The following EPHA6 variants were observed in gnomAD, a reference collection of about 807,000 sequenced individuals.
EPHA6 encodes the protein EPH receptor A6.
In EPHA6, 50 loss-of-function variants were observed where a neutral mutation model predicts 112.0. The ratio of observed to expected loss-of-function variants is 0.45; its 90% confidence interval spans 0.36 to 0.56. The LOEUF (loss-of-function observed/expected upper bound fraction) is 0.56, where lower values mean the gene tolerates loss of function less well. EPHA6 is among the 20% of genes least tolerant of loss of function. The pLI is 0.00. For missense variants in EPHA6, 1,280 were observed against 1,417.4 expected (o/e 0.90, Z 1.56); for synonymous variants, 529 against 490.7 (o/e 1.08, Z -1.03).
chr3:97,711,724 T>C (rs569774919), intron 14 of EPHA6, among the ~76,000 whole-genome samples: 6 of 152,262 alleles, frequency 3.9e-5, no homozygotes, highest in African/African-American at 1.4e-4. Flanking sequence ...ATGATACCTG[T>C]CCTCAAGGAA....
chr3:97,419,919 A>G (rs1022027032), intron 6 of EPHA6, among the ~76,000 whole-genome samples: 26 of 152,156 alleles, frequency 1.7e-4, no homozygotes, highest in Non-Finnish European at 1.8e-4. Flanking sequence ...AAATCAACAC[A>G]TGAAATAACC....
rs1332036326 is a variant in EPHA6 at position 97,753,749 on chromosome 3, G to A, written c.*5048G>A. Among the ~76,000 whole-genome samples the A allele has an allele frequency of 1.3e-5, 2 of 151,730 alleles. No individual in the cohort carries two copies. Among genetic ancestry groups the A allele is most frequent in the South Asian group, 4.2e-4 (2 of 4,818 alleles). ...TTTTAAATTCCATCCATTTAACAGG[G>A]GAAATAGATGATTACTCCTGACTAT... On this transcript the variant is annotated 3_prime_UTR_variant, in exon 18 of 18. Transcript: ENST00000389672.
At chr3:97,404,064 C>G (rs968118201) in intron 5 of EPHA6, among the ~76,000 whole-genome samples, 5 of 152,156 alleles carry the variant, frequency 3.3e-5, no homozygotes, top group Non-Finnish European at 5.9e-5. Context: ...TTCAACCACT[C>G]TCTTATTGAT....
At chr3:97,454,829 T>C (rs1284635526) in intron 7 of EPHA6, among the ~76,000 whole-genome samples, 8 of 151,934 alleles carry the variant, frequency 5.3e-5, no homozygotes, top group South Asian at 2.1e-4. Context: ...TTTGGAATGA[T>C]TATTAATGGT....
chr3:97,007,540 G>A lies in EPHA6; in HGVS notation c.1114+19547G>A, dbSNP rs191006997. Among the ~76,000 whole-genome samples, 431 of 151,892 alleles carry A rather than the reference G, an allele frequency of 2.8e-3. 5 individuals carry two copies. In the South Asian group the frequency reaches 0.044, roughly 15 times the overall value. The stretch of plus-strand genomic sequence containing the variant: ...GGTCTCCTGAATACAGAACACCGAT[G>A]GGTCTTGACTCCTTATCCAAATCAC... On this transcript the variant is annotated intron_variant, in intron 3 of 17. Transcript: ENST00000389672.
chr3:97,402,521 T>C (rs2087054177), intron 5 of EPHA6, among the ~76,000 whole-genome samples: 1 of 152,146 alleles, frequency 6.6e-6, no homozygotes, highest in South Asian at 2.1e-4. Flanking sequence ...TTCAGTCTAT[T>C]TGTGTCTTTA....
At chr3:97,539,066 C>CCCTT (rs747004303) in intron 11 of EPHA6, among the ~76,000 whole-genome samples, 4,309 of 124,014 alleles carry the variant, frequency 0.035, 109 homozygotes, top group East Asian at 0.087. Flanking sequence ...TCTCTTTCTT[C>CCCTT]CCTTCCTTCC....
intron 10 of EPHA6, among the ~76,000 whole-genome samples, chr3:97,502,167 CTTTT>C (rs773321621): frequency 5.6e-5 from 7 of 124,324 alleles, no homozygotes; most frequent in Non-Finnish European, 6.6e-5. Context: ...TAACTACCTG[CTTTT>C]TTTTTTTTTT....
chr3:97,095,330 A>G (rs1385425919), intron 3 of EPHA6, among the ~76,000 whole-genome samples: 2 of 151,960 alleles, frequency 1.3e-5, no homozygotes, highest in East Asian at 3.9e-4. Context: ...GAGGGATAGC[A>G]TTAGGAGATA....
At chr3:97,374,656 G>A (rs972803830) in intron 5 of EPHA6, among the ~76,000 whole-genome samples, 14 of 151,838 alleles carry the variant, frequency 9.2e-5, no homozygotes, top group Admixed American at 2.6e-4. Flanking sequence ...TTGTCCTGCC[G>A]CTCGCTCATC....
intron 6 of EPHA6, among the ~76,000 whole-genome samples, chr3:97,417,855 T>C (rs1002542417): frequency 6.6e-6 from 1 of 152,156 alleles, no homozygotes; most frequent in African/African-American, 2.4e-5. Flanking sequence ...AAGTAAATCC[T>C]ATCTAGAGAA....
At chr3:97,314,428 A>G (rs2081711297) in intron 5 of EPHA6, among the ~76,000 whole-genome samples, 1 of 151,618 alleles carries the variant, frequency 6.6e-6, no homozygotes, top group African/African-American at 2.4e-5. Flanking sequence ...GAATGTTAGA[A>G]TTCAGTAATT....
intron 3 of EPHA6, among the ~76,000 whole-genome samples, chr3:97,125,179 C>T (rs559279582): frequency 9.9e-5 from 15 of 151,716 alleles, no homozygotes; most frequent in Non-Finnish European, 1.5e-4. Context: ...GGAAATGCCA[C>T]CAGAAGGGAC....
intron 6 of EPHA6, among the ~76,000 whole-genome samples, chr3:97,434,021 C>G (rs2089673082): frequency 6.7e-6 from 1 of 148,274 alleles, no homozygotes; most frequent in African/African-American, 2.7e-5. Context: ...GATTCTTATA[C>G]TATGATTAGA....
intron 5 of EPHA6, among the ~76,000 whole-genome samples, chr3:97,260,883 A>G (rs1251126477): frequency 6.6e-6 from 1 of 152,224 alleles, no homozygotes; most frequent in Admixed American, 6.5e-5. Context: ...AACTGAAATC[A>G]TTGGCACAGG....
At chr3:97,027,708 C>G (rs976642460) in intron 3 of EPHA6, among the ~76,000 whole-genome samples, 1 of 152,154 alleles carries the variant, frequency 6.6e-6, no homozygotes, top group Non-Finnish European at 1.5e-5. Flanking sequence ...TTATAACAGT[C>G]TCAGTTCCTT....
chr3:96,891,748 G>T (rs960190694), intron 2 of EPHA6, among the ~76,000 whole-genome samples: 1 of 152,048 alleles, frequency 6.6e-6, no homozygotes, highest in Non-Finnish European at 1.5e-5. Context: ...CTGGTGATAT[G>T]CTGTTTTGAC....
At chr3:96,960,926 T>A (rs563233577) in intron 2 of EPHA6, among the ~76,000 whole-genome samples, 1 of 152,316 alleles carries the variant, frequency 6.6e-6, no homozygotes, top group African/African-American at 2.4e-5. Flanking sequence ...TCCACTAGTC[T>A]TGAGATCCAT....
At chr3:97,714,462 A>G (rs1366778876) in intron 14 of EPHA6, among the ~76,000 whole-genome samples, 1 of 152,244 alleles carries the variant, frequency 6.6e-6, no homozygotes, top group Non-Finnish European at 1.5e-5. Context: ...AAGTTTCCCT[A>G]AATTTGTAAA....
Sources: allele counts gnomAD v4.1 joint callset (sites outside exome capture counted in the v4.1 genomes callset), GRCh38; gene constraint gnomAD v4.1.1; transcripts MANE v1.5; gene names NCBI Gene and HGNC (gene_info 2026-07-23, HGNC 2026-07-21).